SOX5: variants seen among roughly 807,000 people sequenced by gnomAD.
SOX5 encodes SRY-box transcription factor 5.
SOX5 carries 9 observed loss-of-function variants against 92.0 expected under a neutral mutation model. The ratio of observed to expected loss-of-function variants is 0.10; its 90% CI spans 0.06 to 0.17. SOX5 has a LOEUF of 0.17. Ranked by LOEUF, SOX5 falls within the 10% of genes least tolerant of loss-of-function variation. SOX5 has a pLI of 1.00. For missense variants in SOX5, 642 were observed against 944.5 expected, an observed-to-expected ratio of 0.68 and a Z score of 4.20; for synonymous variants, 344 against 336.3, an observed-to-expected ratio of 1.02 and a Z score of -0.25.
chr12:23,657,926 T>C (rs139571154), intron 7 of SOX5, among the ~76,000 whole-genome samples: 2 of 152,280 alleles, frequency 1.3e-5, no homozygotes, highest in African/African-American at 4.8e-5. Flanking sequence ...GTAAATGACA[T>C]GGATTAAAAG....
At chr12:24,308,621 G>T (rs1595437218) in intron 2 of SOX5, among the ~76,000 whole-genome samples, 1 of 152,050 alleles carries the variant, frequency 6.6e-6, no homozygotes, top group Non-Finnish European at 1.5e-5. Context: ...CTATCAACTT[G>T]GTATTCACAA....
At chr12:23,814,949 A>C (rs1189679190) in intron 3 of SOX5, among the ~76,000 whole-genome samples, 2 of 152,186 alleles carry the variant, frequency 1.3e-5, no homozygotes, top group Non-Finnish European at 2.9e-5. Flanking sequence ...AAAGTCTAAT[A>C]TTTTGAAATA....
chr12:24,398,519 G>A (rs1472995219), intron 1 of SOX5, among the ~76,000 whole-genome samples: 3 of 152,068 alleles, frequency 2.0e-5, no homozygotes, highest in Non-Finnish European at 4.4e-5. Context: ...TAGAAAAACT[G>A]CTTTTATTTA....
chr12:23,726,130 A>AGAGG (rs2093107765), intron 6 of SOX5, among the ~76,000 whole-genome samples: 1 of 14,514 alleles, frequency 6.9e-5, no homozygotes, highest in Admixed American at 7.5e-4. Flanking sequence ...AGAGAGAGAG[A>AGAGG]GAGAGAGAGA....
At chr12:24,527,675 C>T (rs768851059) in intron 1 of SOX5, among the ~76,000 whole-genome samples, 17 of 152,128 alleles carry the variant, frequency 1.1e-4, no homozygotes, top group Non-Finnish European at 2.2e-4. Context: ...GTTGCTATTT[C>T]CTGACCTTCT....
chr12:24,533,370 A>G (rs1951358224), intron 1 of SOX5, among the ~76,000 whole-genome samples: 1 of 152,238 alleles, frequency 6.6e-6, no homozygotes, highest in Non-Finnish European at 1.5e-5. Flanking sequence ...CTGATGATAC[A>G]TGGAACACAG....
intron 2 of SOX5, among the ~76,000 whole-genome samples, chr12:24,285,670 T>C (rs1463920864): frequency 1.3e-5 from 2 of 152,192 alleles, no homozygotes; most frequent in Non-Finnish European, 2.9e-5. Flanking sequence ...GTTTATGTCT[T>C]AGACAAGACA....
intron 3 of SOX5, among the ~76,000 whole-genome samples, chr12:23,788,869 A>C (rs2095424201): frequency 6.6e-6 from 1 of 152,028 alleles, no homozygotes; most frequent in African/African-American, 2.4e-5. Context: ...TTTAAACAAC[A>C]AAACAGATTA....
intron 2 of SOX5, among the ~76,000 whole-genome samples, chr12:24,342,910 C>T (rs1952745944): frequency 1.3e-5 from 2 of 152,360 alleles, no homozygotes; most frequent in South Asian, 2.1e-4. Flanking sequence ...TATCACTTCT[C>T]AATAGCTATA....
intron 4 of SOX5, among the ~76,000 whole-genome samples, chr12:24,009,022 G>A (rs1281420562): frequency 6.6e-6 from 1 of 152,208 alleles, no homozygotes; most frequent in African/African-American, 2.4e-5. Flanking sequence ...CTTTGTAAGA[G>A]CTTACCATGT....
chr12:23,902,156 T>C (rs540108151), intron 1 of SOX5, among the ~76,000 whole-genome samples: 60 of 152,072 alleles, frequency 3.9e-4, no homozygotes, highest in Non-Finnish European at 7.7e-4. Flanking sequence ...CTAAAAACTT[T>C]AAAAAAAACT....
intron 4 of SOX5, among the ~76,000 whole-genome samples, chr12:24,074,780 A>T (rs577613345): frequency 2.0e-5 from 3 of 152,036 alleles, no homozygotes; most frequent in Non-Finnish European, 4.4e-5. Flanking sequence ...CATTTATCAC[A>T]CTTCTCTTGA....
At chr12:24,375,293 T>C (rs921070512) in intron 1 of SOX5, among the ~76,000 whole-genome samples, 1 of 151,960 alleles carries the variant, frequency 6.6e-6, no homozygotes, top group African/African-American at 2.4e-5. Flanking sequence ...CTCTTTACAT[T>C]TTGCATCCTA....
chr12:23,948,744 C>A (rs1051621310), intron 1 of SOX5, among the ~76,000 whole-genome samples: 2 of 151,986 alleles, frequency 1.3e-5, no homozygotes, highest in Non-Finnish European at 2.9e-5. Flanking sequence ...CTTATAGGAA[C>A]ATTAAGAGGG....
chr12:23,744,984 C>A (rs1262725260), intron 4 of SOX5, among the ~76,000 whole-genome samples: 1 of 152,116 alleles, frequency 6.6e-6, no homozygotes, highest in African/African-American at 2.4e-5. Context: ...ATTTCCTCTT[C>A]TTATAAAGAT....
intron 4 of SOX5, among the ~76,000 whole-genome samples, chr12:24,031,199 T>TTA (rs57044625): frequency 0.38 from 56,548 of 147,178 alleles, 11,049 homozygotes; most frequent in East Asian, 0.7. Flanking sequence ...CTGCTACTAG[T>TTA]TATATATATA....
At chr12:24,346,278 C>T (rs1284912735) in intron 2 of SOX5, among the ~76,000 whole-genome samples, 1 of 152,090 alleles carries the variant, frequency 6.6e-6, no homozygotes, top group Non-Finnish European at 1.5e-5. Context: ...CTTTTAGAAC[C>T]ATTGTGCCAA....
At chr12:23,804,915 T>TTATATATATATATA (rs528741802) in intron 3 of SOX5, among the ~76,000 whole-genome samples, 15 of 75,060 alleles carry the variant, frequency 2.0e-4, no homozygotes, top group Non-Finnish European at 3.1e-4. Context: ...TATCATTGTT[T>TTATATATATATATA]TATATATATA....
At chr12:23,809,865 T>A (rs970362380) in intron 3 of SOX5, among the ~76,000 whole-genome samples, 1 of 151,664 alleles carries the variant, frequency 6.6e-6, no homozygotes, top group African/African-American at 2.4e-5. Flanking sequence ...CAATATTAGC[T>A]TAGAATGCCA....
Sources: gnomAD v4.1 joint callset for allele counts (sites outside exome capture counted in the v4.1 genomes callset) on GRCh38, gnomAD v4.1.1 for gene constraint, MANE v1.5 for transcripts, NCBI Gene and HGNC (gene_info 2026-07-23, HGNC 2026-07-21) for gene names.